AIM2: variants seen among roughly 807,000 people sequenced by gnomAD.
AIM2 encodes interferon-inducible protein AIM2.
Under a neutral mutation model 27.7 loss-of-function variants are expected in AIM2, and 30 were observed. That is an observed-to-expected ratio of 1.08 (90% CI 0.81 to 1.47). AIM2 has a LOEUF of 1.47. Among genes scored for constraint, AIM2 ranks in the 40% most tolerant of loss-of-function variants. The pLI is 0.00. For missense variants in AIM2, 358 were observed against 411.3 expected (o/e 0.87, Z 1.12); for synonymous variants, 141 against 145.3 (o/e 0.97, Z 0.21).
intron 1 of AIM2, among the ~76,000 whole-genome samples, chr1:159,111,971 G>A (rs2102029624): frequency 6.6e-6 from 1 of 152,096 alleles, no homozygotes. Flanking sequence ...GAACCTAGGA[G>A]GTGGAGGTTG....
At chr1:159,067,254 G>A (rs1656144170) in intron 3 of AIM2, among the ~76,000 whole-genome samples, 1 of 152,026 alleles carries the variant, frequency 6.6e-6, no homozygotes, top group African/African-American at 2.4e-5. Context: ...TTTCCTAGAC[G>A]ATACAATTAT....
intron 1 of AIM2, among the ~76,000 whole-genome samples, chr1:159,126,286 C>A (rs1647683852): frequency 6.6e-6 from 1 of 152,094 alleles, no homozygotes; most frequent in Non-Finnish European, 1.5e-5. Flanking sequence ...TAGGTAGTTA[C>A]CAGGTAATAT....
intron 1 of AIM2, among the ~76,000 whole-genome samples, chr1:159,117,105 T>C (rs1167370515): frequency 6.6e-6 from 1 of 152,188 alleles, no homozygotes; most frequent in Non-Finnish European, 1.5e-5. Context: ...GGACTGTAGT[T>C]AGCAGAAATA....
At chr1:159,131,946 G>A (rs1647896452) in intron 1 of AIM2, among the ~76,000 whole-genome samples, 1 of 152,156 alleles carries the variant, frequency 6.6e-6, no homozygotes, top group Non-Finnish European at 1.5e-5. Flanking sequence ...ATCAAGTCGG[G>A]AAAGAACGTA....
chr1:159,133,639 TATC>T (rs1471731425), intron 1 of AIM2, among the ~76,000 whole-genome samples: 1 of 152,204 alleles, frequency 6.6e-6, no homozygotes, highest in Non-Finnish European at 1.5e-5. Flanking sequence ...ACATTTTAGT[TATC>T]ATCACTACTG....
chr1:159,059,727 T>C (rs1655771029), downstream of AIM2, among the ~76,000 whole-genome samples: 1 of 152,186 alleles, frequency 6.6e-6, no homozygotes, highest in Non-Finnish European at 1.5e-5. Flanking sequence ...CTTAACATCA[T>C]GCTGATTCCC....
At chr1:159,088,133 G>C (rs932025011) in intron 1 of AIM2, among the ~76,000 whole-genome samples, 1 of 152,148 alleles carries the variant, frequency 6.6e-6, no homozygotes, top group Non-Finnish European at 1.5e-5. Context: ...GCATAGATGA[G>C]GCACAGGATG....
In AIM2 at chr1:159,095,674, GA is replaced by G. The variant is rs201848875; in HGVS notation, c.-15-29346del. Among the ~76,000 whole-genome samples the G allele has an allele frequency of 1.7e-4, 25 of 150,004 alleles. No individual in the cohort carries two copies. In the South Asian group the frequency reaches 3.1e-3, roughly 19 times the overall value. ...TAAGGTACCACGTTTGTCTTGAAGT[GA>G]AAAAAAAATACTCTTAAAATATTAT... On this transcript the variant is annotated intron_variant, in intron 1 of 2. Transcript: ENST00000368129.
intron 1 of AIM2, among the ~76,000 whole-genome samples, chr1:159,075,633 G>A (rs1656577113): frequency 6.6e-6 from 1 of 150,970 alleles, no homozygotes; most frequent in African/African-American, 2.4e-5. Flanking sequence ...GAGAGAGAGA[G>A]AGCTAATAGA....
intron 1 of AIM2, among the ~76,000 whole-genome samples, chr1:159,102,077 C>A (rs767254494): frequency 6.6e-6 from 1 of 152,168 alleles, no homozygotes; most frequent in African/African-American, 2.4e-5. Context: ...AAAATCACTT[C>A]CTGGGCTGGG....
chr1:159,106,105 A>AGAGGGAGAGGCCAG (rs1412040461), intron 1 of AIM2, among the ~76,000 whole-genome samples: 2 of 152,150 alleles, frequency 1.3e-5, no homozygotes, highest in Admixed American at 1.3e-4. Context: ...GAGGCCAGGG[A>AGAGGGAGAGGCCAG]GTGAGAGCAG....
chr1:159,069,189 G>A (rs577588756), intron 2 of AIM2, among the ~76,000 whole-genome samples: 7 of 151,262 alleles, frequency 4.6e-5, no homozygotes, highest in East Asian at 3.9e-4. Context: ...AGTAGTAGTC[G>A]TCTTAAATTG....
At chr1:159,087,367 C>A (rs1016242854) in intron 1 of AIM2, among the ~76,000 whole-genome samples, 1 of 151,822 alleles carries the variant, frequency 6.6e-6, no homozygotes, top group African/African-American at 2.4e-5. Flanking sequence ...CTAAGTTAAC[C>A]TTTAAGTGTC....
At chr1:159,055,614 A>G in the AIM2 span, among the ~76,000 whole-genome samples, 2 of 152,202 alleles carry the variant, frequency 1.3e-5, no homozygotes, top group Non-Finnish European at 2.9e-5. Context: ...TTCAAACCAT[A>G]TTCCCTGTTC....
chr1:159,081,705 G>A (rs1656779621), upstream of AIM2: 1 of 223,796 alleles, frequency 4.5e-6, no homozygotes, highest in Non-Finnish European at 9.5e-6. Flanking sequence ...GGACAATTAA[G>A]TTAACTTTAA....
At chr1:159,146,524 T>G (rs1648210854) in intron 1 of AIM2, among the ~76,000 whole-genome samples, 2 of 152,184 alleles carry the variant, frequency 1.3e-5, no homozygotes, top group South Asian at 4.1e-4. Context: ...TCCACGCCTT[T>G]GCTCATTTCT....
At chr1:159,126,759 T>C (rs1362944265) in intron 1 of AIM2, among the ~76,000 whole-genome samples, 1 of 152,132 alleles carries the variant, frequency 6.6e-6, no homozygotes, top group African/African-American at 2.4e-5. Context: ...TTCCCAAGTG[T>C]ATAATCTGAA....
At chr1:159,121,386 TTG>T (rs1297226339) in intron 1 of AIM2, among the ~76,000 whole-genome samples, 2 of 152,230 alleles carry the variant, frequency 1.3e-5, no homozygotes, top group African/African-American at 4.8e-5. Flanking sequence ...CTTGATCATA[TTG>T]TGAGTGTACC....
chr1:159,100,811 A>G (rs1247566380), intron 1 of AIM2, among the ~76,000 whole-genome samples: 2 of 152,232 alleles, frequency 1.3e-5, no homozygotes, highest in East Asian at 1.9e-4. Context: ...CAGGCTAGTC[A>G]TATCTGCTCT....
Sources: allele counts gnomAD v4.1 joint callset (sites outside exome capture counted in the v4.1 genomes callset), GRCh38; gene constraint gnomAD v4.1.1; transcripts MANE v1.5; gene names NCBI Gene and HGNC (gene_info 2026-07-23, HGNC 2026-07-21).